CSMD1: variants seen among roughly 807,000 people sequenced by gnomAD.
CSMD1 encodes the protein CUB and Sushi multiple domains 1, also known as CUB and sushi domain-containing protein 1.
In CSMD1, 213 loss-of-function variants were observed where a neutral mutation model predicts 417.5. The observed-to-expected ratio is 0.51, with a 90% CI of 0.46 to 0.57. CSMD1 has a LOEUF of 0.57. Ranked by LOEUF, CSMD1 falls within the 20% of genes least tolerant of loss-of-function variation. The pLI is 0.00. For synonymous variants in CSMD1, 2,862 were observed against 1,736.8 expected, an observed-to-expected ratio of 1.65 and a Z score of -16.11; for missense variants, 6,923 against 4,529.7, an observed-to-expected ratio of 1.53 and a Z score of -15.17.
At chr8:4,945,019 G>C (rs544503621) in intron 1 of CSMD1, among the ~76,000 whole-genome samples, 2 of 152,274 alleles carry the variant, frequency 1.3e-5, no homozygotes, top group South Asian at 4.1e-4. Context: ...CTTGGCAGAT[G>C]AATGGATAAG....
chr8:4,450,374 T>C (rs1799068895), intron 2 of CSMD1, among the ~76,000 whole-genome samples: 1 of 152,114 alleles, frequency 6.6e-6, no homozygotes, highest in Non-Finnish European at 1.5e-5. Flanking sequence ...ACACCTGTAA[T>C]CCCAGCACTT....
rs1214426436 is a variant in CSMD1 at position 2,973,145 on chromosome 8, T to C, written c.8895A>G (p.Ser2965=). Residue 2965 remains serine, a synonymous_variant, in exon 57 of 70, where the codon TCA becomes TCG. Coordinates refer to ENST00000635120, the MANE Select transcript of CSMD1 (RefSeq NM_033225.6). ...SPERTCLLNG[S]WSGLQPVCEA... Reference sequence around the variant, plus strand: ...CACACACCGGCTGCAGTCCTGACCATGACCCATTGAGCAAACACGTGCGTT... The same window carrying C: ...CACACACCGGCTGCAGTCCTGACCACGACCCATTGAGCAAACACGTGCGTT... The C allele has an allele frequency of 7.4e-6, 12 of 1,613,628 alleles. No homozygotes were observed. Among genetic ancestry groups the C allele is most frequent in the African/African-American group, 2.7e-5 (2 of 74,926 alleles).
chr8:4,199,868 T>C (rs1799549554), intron 3 of CSMD1, among the ~76,000 whole-genome samples: 1 of 152,158 alleles, frequency 6.6e-6, no homozygotes, highest in Admixed American at 6.5e-5. Flanking sequence ...GGGCTTACCA[T>C]GACAATATTT....
At chr8:4,077,558 C>G (rs1799900438) in intron 3 of CSMD1, among the ~76,000 whole-genome samples, 1 of 152,000 alleles carries the variant, frequency 6.6e-6, no homozygotes, top group Admixed American at 6.6e-5. Flanking sequence ...AACACATTCC[C>G]TGTAAACCAC....
chr8:4,491,708 A>C (rs548453837), intron 2 of CSMD1, among the ~76,000 whole-genome samples: 9 of 152,316 alleles, frequency 5.9e-5, no homozygotes, highest in African/African-American at 1.7e-4. Flanking sequence ...AAAATCCAGA[A>C]TGGCAACACA....
At chr8:3,932,149 G>C (rs1259727550) in intron 5 of CSMD1, among the ~76,000 whole-genome samples, 1 of 150,178 alleles carries the variant, frequency 6.7e-6, no homozygotes, top group Non-Finnish European at 1.5e-5. Flanking sequence ...TGAGGACAGT[G>C]CTGGAATGAA....
chr8:4,465,124 A>C (rs893624621), intron 2 of CSMD1, among the ~76,000 whole-genome samples: 3 of 152,186 alleles, frequency 2.0e-5, no homozygotes, highest in Non-Finnish European at 4.4e-5. Flanking sequence ...TAATTTTCCC[A>C]TCTAAGGCTC....
intron 1 of CSMD1, among the ~76,000 whole-genome samples, chr8:4,662,247 C>T (rs1324260407): frequency 6.6e-6 from 1 of 151,858 alleles, no homozygotes; most frequent in African/African-American, 2.4e-5. Context: ...TAATTAATAC[C>T]AAATTTAATA....
chr8:3,616,265 C>T (rs776109151), intron 8 of CSMD1, among the ~76,000 whole-genome samples: 11 of 152,150 alleles, frequency 7.2e-5, no homozygotes, highest in African/African-American at 2.7e-4. Flanking sequence ...TACCCTCATG[C>T]TGTTCTCATG....
chr8:4,022,056 T>A (rs1193276879), intron 4 of CSMD1, among the ~76,000 whole-genome samples: 2 of 150,626 alleles, frequency 1.3e-5, no homozygotes, highest in African/African-American at 2.4e-5. Context: ...TTCTTTAATA[T>A]ACAGATGAAT....
chr8:3,401,902 A>T (rs556494040), intron 15 of CSMD1, among the ~76,000 whole-genome samples: 6 of 152,184 alleles, frequency 3.9e-5, no homozygotes, highest in Non-Finnish European at 8.8e-5. Context: ...TGATAACAAA[A>T]AAAGCAAATA....
intron 5 of CSMD1, among the ~76,000 whole-genome samples, chr8:3,761,803 G>A (rs575330882): frequency 6.6e-6 from 1 of 152,112 alleles, no homozygotes; most frequent in Non-Finnish European, 1.5e-5. Flanking sequence ...ACAATGCCCA[G>A]CCAAAATTAC....
intron 6 of CSMD1, among the ~76,000 whole-genome samples, chr8:3,741,145 T>C (rs1796779837): frequency 7.4e-6 from 1 of 134,382 alleles, no homozygotes; most frequent in Non-Finnish European, 1.5e-5. Context: ...AGCTGGGAGG[T>C]GGAGGTTGCA....
At chr8:3,523,736 G>A (rs1452872253) in intron 10 of CSMD1, among the ~76,000 whole-genome samples, 2 of 144,522 alleles carry the variant, frequency 1.4e-5, no homozygotes, top group East Asian at 4.1e-4. Context: ...CACACTCAGA[G>A]ACACATGCAT....
At chr8:3,949,108 G>A (rs560107318) in intron 5 of CSMD1, among the ~76,000 whole-genome samples, 3 of 152,080 alleles carry the variant, frequency 2.0e-5, no homozygotes, top group Non-Finnish European at 4.4e-5. Flanking sequence ...TTTATGATGT[G>A]CGATATAATA....
At chr8:4,185,808 G>A (rs560850187) in intron 3 of CSMD1, among the ~76,000 whole-genome samples, 5 of 152,294 alleles carry the variant, frequency 3.3e-5, no homozygotes, top group African/African-American at 9.6e-5. Context: ...CAGACCCAGT[G>A]CCAGAGTCAG....
intron 3 of CSMD1, among the ~76,000 whole-genome samples, chr8:4,307,828 G>A (rs1409051011): frequency 2.0e-5 from 3 of 152,162 alleles, no homozygotes; most frequent in Non-Finnish European, 4.4e-5. Flanking sequence ...ATAATATGAT[G>A]ATTTAACTGT....
chr8:4,124,232 G>C (rs372302059), intron 3 of CSMD1, among the ~76,000 whole-genome samples: 14 of 152,144 alleles, frequency 9.2e-5, no homozygotes, highest in African/African-American at 2.9e-4. Context: ...GGGCAGGGGA[G>C]TGTGAGGCCT....
chr8:3,992,459 G>C (rs890225847), intron 5 of CSMD1, among the ~76,000 whole-genome samples: 4 of 152,178 alleles, frequency 2.6e-5, no homozygotes, highest in Non-Finnish European at 5.9e-5. Context: ...CAACAGGTTT[G>C]TGAAATAAAA....
Sources: allele counts gnomAD v4.1 joint callset (sites outside exome capture counted in the v4.1 genomes callset), GRCh38; gene constraint gnomAD v4.1.1; transcripts MANE v1.5; gene names NCBI Gene and HGNC (gene_info 2026-07-23, HGNC 2026-07-21).